Variants in CPQ observed in about 807,000 individuals in gnomAD.
CPQ encodes carboxypeptidase Q.
In CPQ, 37 loss-of-function variants were observed where a neutral mutation model predicts 45.7. The ratio of observed to expected loss-of-function variants is 0.81; its 90% confidence interval spans 0.62 to 1.07. The LOEUF is 1.07. Among genes scored for constraint, CPQ ranks in the 50% least tolerant of loss-of-function variants. CPQ has a pLI of 0.00. For missense variants in CPQ, 537 were observed against 572.9 expected (o/e 0.94, Z 0.64); for synonymous variants, 186 against 205.8 (o/e 0.90, Z 0.82).
chr8:96,765,396 C>T (rs1810454266), intron 1 of CPQ, among the ~76,000 whole-genome samples: 1 of 152,026 alleles, frequency 6.6e-6, no homozygotes, highest in Admixed American at 6.5e-5. Flanking sequence ...GCATCTTAAA[C>T]ATTTTGAAGT....
At chr8:96,836,256 C>T (rs528407261) in intron 3 of CPQ, among the ~76,000 whole-genome samples, 3 of 152,024 alleles carry the variant, frequency 2.0e-5, no homozygotes, top group Admixed American at 6.6e-5. Context: ...CACCCTACAC[C>T]CCTGAAAATA....
intron 1 of CPQ, among the ~76,000 whole-genome samples, chr8:96,673,890 G>C (rs1809037736): frequency 6.6e-6 from 1 of 152,098 alleles, no homozygotes; most frequent in South Asian, 2.1e-4. Flanking sequence ...AGTTGGAGCT[G>C]TAACTGAGGA....
chr8:96,727,244 A>AT (rs1429500590), intron 1 of CPQ, among the ~76,000 whole-genome samples: 3 of 151,948 alleles, frequency 2.0e-5, no homozygotes, highest in Admixed American at 6.6e-5. Context: ...AAGCAACAGC[A>AT]TTTTTTTTCT....
chr8:97,113,873 C>T (rs1811541098), intron 7 of CPQ, among the ~76,000 whole-genome samples: 1 of 152,194 alleles, frequency 6.6e-6, no homozygotes, highest in South Asian at 2.1e-4. Flanking sequence ...AAGAGCTGGG[C>T]CTGTTCCAAC....
chr8:97,115,181 G>C (rs573591871), intron 7 of CPQ, among the ~76,000 whole-genome samples: 7 of 152,292 alleles, frequency 4.6e-5, no homozygotes, highest in African/African-American at 1.7e-4. Context: ...GTGCCCTAAA[G>C]ATGCCCTGGG....
intron 1 of CPQ, among the ~76,000 whole-genome samples, chr8:96,703,935 C>T (rs768361663): frequency 6.6e-6 from 1 of 152,140 alleles, no homozygotes; most frequent in African/African-American, 2.4e-5. Context: ...TGAAGACGTG[C>T]TGGTGATATA....
intron 1 of CPQ, among the ~76,000 whole-genome samples, chr8:96,702,739 T>C (rs968112764): frequency 1.3e-5 from 2 of 152,170 alleles, no homozygotes; most frequent in South Asian, 4.1e-4. Context: ...GGATTTATAT[T>C]TTCTCTTCCC....
intron 7 of CPQ, among the ~76,000 whole-genome samples, chr8:97,118,819 T>C (rs570748982): frequency 4.7e-4 from 71 of 152,290 alleles, no homozygotes; most frequent in African/African-American, 1.7e-3. Flanking sequence ...ATAGCATATA[T>C]ACACACATAA....
intron 4 of CPQ, among the ~76,000 whole-genome samples, chr8:96,963,864 T>C (rs1813505713): frequency 6.6e-6 from 1 of 152,126 alleles, no homozygotes; most frequent in Admixed American, 6.6e-5. Context: ...GTAATCACTC[T>C]CCTGTTTTGC....
At chr8:96,853,267 A>T (rs1484269166) in intron 3 of CPQ, among the ~76,000 whole-genome samples, 2 of 152,216 alleles carry the variant, frequency 1.3e-5, no homozygotes, top group East Asian at 1.9e-4. Flanking sequence ...CATATGAAAC[A>T]TTCTAAAATT....
At chr8:97,109,089 T>A (rs930580865) in intron 7 of CPQ, among the ~76,000 whole-genome samples, 8 of 152,174 alleles carry the variant, frequency 5.3e-5, no homozygotes, top group Admixed American at 4.6e-4. Context: ...TTCTTGTACA[T>A]CCTGAACCTA....
chr8:96,755,684 G>T (rs987463894), intron 1 of CPQ, among the ~76,000 whole-genome samples: 1 of 151,770 alleles, frequency 6.6e-6, no homozygotes, highest in South Asian at 2.1e-4. Context: ...TTTATTTATT[G>T]TGGTTTACTT....
chr8:96,761,081 T>C (rs959614339), intron 1 of CPQ: 1 of 152,160 alleles, frequency 6.6e-6, no homozygotes, highest in African/African-American at 2.4e-5. Flanking sequence ...GACTTTCAGG[T>C]AAAAACCTTC....
At chr8:96,998,901 C>A (rs898111919) in intron 5 of CPQ, among the ~76,000 whole-genome samples, 2 of 151,980 alleles carry the variant, frequency 1.3e-5, no homozygotes, top group African/African-American at 4.8e-5. Flanking sequence ...AAAAGACTTA[C>A]AATAAACAAC....
At chr8:96,959,947 T>C (rs1407001428) in intron 4 of CPQ, among the ~76,000 whole-genome samples, 1 of 151,296 alleles carries the variant, frequency 6.6e-6, no homozygotes, top group African/African-American at 2.4e-5. Flanking sequence ...TGGTTTTTGA[T>C]TGAGCAAGAT....
chr8:96,839,294 C>G (rs1231754419), intron 3 of CPQ, among the ~76,000 whole-genome samples: 1 of 151,992 alleles, frequency 6.6e-6, no homozygotes, highest in Non-Finnish European at 1.5e-5. Flanking sequence ...TTGTCAGCAT[C>G]GTCTCCAGGT....
At chr8:96,890,491 T>C (rs1812358308) in intron 4 of CPQ, among the ~76,000 whole-genome samples, 1 of 152,220 alleles carries the variant, frequency 6.6e-6, no homozygotes, top group Non-Finnish European at 1.5e-5. Flanking sequence ...GATTGGGTTG[T>C]TGTAGTTTCC....
chr8:96,963,714 C>G (rs984240440), intron 4 of CPQ, among the ~76,000 whole-genome samples: 1 of 152,070 alleles, frequency 6.6e-6, no homozygotes. Context: ...AGAAAGTGCA[C>G]GAATCCTAAG....
chr8:96,682,238 G>T (rs1237929773), intron 1 of CPQ, among the ~76,000 whole-genome samples: 1 of 152,140 alleles, frequency 6.6e-6, no homozygotes, highest in Non-Finnish European at 1.5e-5. Flanking sequence ...GTTGTGGGGG[G>T]GACCCAGTGG....
Sources: allele counts gnomAD v4.1 joint callset (sites outside exome capture counted in the v4.1 genomes callset), GRCh38; gene constraint gnomAD v4.1.1; transcripts MANE v1.5; gene names NCBI Gene and HGNC (gene_info 2026-07-23, HGNC 2026-07-21).